Variants in NMT2 observed in about 807,000 individuals in gnomAD.
NMT2 encodes glycylpeptide N-tetradecanoyltransferase 2.
NMT2 carries 35 observed loss-of-function variants against 65.4 expected under a neutral mutation model. The ratio of observed to expected loss-of-function variants is 0.54; its 90% CI spans 0.41 to 0.71. NMT2 has a LOEUF of 0.71. Among genes scored for constraint, NMT2 ranks in the 30% least tolerant of loss-of-function variants. The pLI, the probability that NMT2 is intolerant of heterozygous loss-of-function variation, is 0.00. For synonymous variants in NMT2, 226 were observed against 231.8 expected, an observed-to-expected ratio of 0.98 and a Z score of 0.23; for missense variants, 489 against 611.3, an observed-to-expected ratio of 0.80 and a Z score of 2.11.
rs192889108 is a variant in NMT2 at position 15,146,026 on chromosome 10, C to A, written c.111-4469G>T. On this transcript the variant is annotated intron_variant, in intron 1 of 11. Transcript: ENST00000378165. ...GACTCCCAGTACTCAAGGCTGATTACCAAGTCATGGAAATTCAGCCCTGCA... is the reference window on the plus strand; with the variant it reads ...GACTCCCAGTACTCAAGGCTGATTAACAAGTCATGGAAATTCAGCCCTGCA... Among the ~76,000 whole-genome samples the A allele has an allele frequency of 4.0e-3, 609 of 152,296 alleles. 5 individuals are homozygous for A. The highest frequency in any genetic ancestry group is 7.4e-3 in the Non-Finnish European group (500 of 68,022).
rs188307155 is a variant in NMT2 at position 15,164,678 on chromosome 10, A to G, written c.110+3825T>C. Among the ~76,000 whole-genome samples the G allele has an allele frequency of 2.0e-5, 3 of 152,290 alleles. No homozygotes were observed. The East Asian group carries it at 5.8e-4, about 29-fold the overall frequency. The stretch of plus-strand genomic sequence containing the variant: ...TAACAGAAGGCAAAAACACAGCAAA[A>G]TGAGGGAAGTATTAAAGATCCTTGA... On this transcript the variant is annotated intron_variant, in intron 1 of 11. Transcript: ENST00000378165.
At chr10:15,151,835 G>A (rs892331253) in intron 1 of NMT2, among the ~76,000 whole-genome samples, 1 of 151,810 alleles carries the variant, frequency 6.6e-6, no homozygotes, top group Non-Finnish European at 1.5e-5. Flanking sequence ...GACCAGCCTG[G>A]CCAACATGGT....
At chr10:15,116,687 CAAAG>C (rs1564561291) in intron 9 of NMT2, among the ~76,000 whole-genome samples, 3 of 151,932 alleles carry the variant, frequency 2.0e-5, no homozygotes, top group Admixed American at 6.6e-5. Flanking sequence ...TGGACAAAAA[CAAAG>C]AAAGAGAAGA....
intron 1 of NMT2, chr10:15,154,864 G>T (rs150584952): frequency 1.8e-5 from 14 of 791,514 alleles, no homozygotes; most frequent in Non-Finnish European, 2.9e-5. Context: ...GACCCATAGC[G>T]CTTCATGGCC....
intron 1 of NMT2, among the ~76,000 whole-genome samples, chr10:15,143,329 C>G (rs1431596138): frequency 6.6e-6 from 1 of 152,204 alleles, no homozygotes; most frequent in Non-Finnish European, 1.5e-5. Flanking sequence ...GGGATTATCC[C>G]TCTCCCACTT....
chr10:15,140,856 C>T (rs958078675), intron 2 of NMT2: 6 of 817,062 alleles, frequency 7.3e-6, no homozygotes, highest in African/African-American at 1.7e-5. Context: ...TCTGCCAACA[C>T]GGGGCCCAGC....
chr10:15,134,275 TC>T (rs1846392413), intron 3 of NMT2, among the ~76,000 whole-genome samples: 1 of 152,024 alleles, frequency 6.6e-6, no homozygotes, highest in Non-Finnish European at 1.5e-5. Flanking sequence ...CCCAGGCTCT[TC>T]CCCATGGCTG....
At chr10:15,115,811 T>C (rs1845724214) in intron 9 of NMT2, among the ~76,000 whole-genome samples, 1 of 152,288 alleles carries the variant, frequency 6.6e-6, no homozygotes, top group South Asian at 2.1e-4. Context: ...TAAAGTATAC[T>C]CCAGAGCAAG....
At chr10:15,147,095 C>CAAAAAAAAAAAAAAAAAA (rs34668178) in intron 1 of NMT2, among the ~76,000 whole-genome samples, 8 of 44,516 alleles carry the variant, frequency 1.8e-4, no homozygotes, top group Admixed American at 4.5e-4. Context: ...CTCTCGCTCT[C>CAAAAAAAAAAAAAAAAAA]AAAAAAAAAA....
chr10:15,130,313 C>T lies in NMT2; in HGVS notation c.720-1G>A, dbSNP rs780265781. The T allele has an allele frequency of 7.7e-6, 12 of 1,566,120 alleles. No individual in the cohort carries two copies. The highest frequency in any genetic ancestry group is 1.0e-5 in the Non-Finnish European group (12 of 1,154,866). ...GTTGATTTCTACCATCTTCTTCACA[C>T]TAAGAAATAAAGATGGTGAAGATTA... On this transcript the variant is annotated splice_acceptor_variant, in intron 6 of 11. Coordinates refer to ENST00000378165, the MANE Select transcript of NMT2 (RefSeq NM_004808.3). LOFTEE classifies it high-confidence loss of function.
In NMT2 at chr10:15,107,393, A is replaced by C; in HGVS notation, c.*1802T>G. 2 of 985,466 alleles carry C rather than the reference A, an allele frequency of 2.0e-6. No homozygotes were observed. The highest frequency in any genetic ancestry group is 2.4e-6 in the Non-Finnish European group (2 of 829,934). 61.0% of individuals were successfully genotyped at this position (985,466 alleles called of 1,614,324 possible). On this transcript the variant is annotated 3_prime_UTR_variant, in exon 12 of 12. Transcript: ENST00000378165. ...ACTTGAAGGAAATGCCATCATGTCTAAAACAATTAACTTCTGCACTGAACT... is the reference window on the plus strand; with the variant it reads ...ACTTGAAGGAAATGCCATCATGTCTCAAACAATTAACTTCTGCACTGAACT...
chr10:15,113,463 CAAAAAAAA>C (rs1169255963), intron 9 of NMT2, among the ~76,000 whole-genome samples: 5,860 of 36,834 alleles, frequency 0.16, 111 homozygotes, highest in East Asian at 0.27. Context: ...GGATGAGACT[CAAAAAAAA>C]AAAAAAAAAA....
rs147114750 is a variant in NMT2 at position 15,166,637 on chromosome 10, T to C, written c.110+1866A>G. Among the ~76,000 whole-genome samples the C allele has an allele frequency of 2.5e-3, 375 of 152,346 alleles. 1 individual carries two copies. The highest frequency in any genetic ancestry group is 8.5e-3 in the African/African-American group (355 of 41,578). ...TACAATACATCCATTATGTTAATCTTTTCCCACTAGAAGCTATTAACATGG... is the reference window on the plus strand; with the variant it reads ...TACAATACATCCATTATGTTAATCTCTTCCCACTAGAAGCTATTAACATGG... On this transcript the variant is annotated intron_variant, in intron 1 of 11. Coordinates refer to ENST00000378165, the MANE Select transcript of NMT2 (RefSeq NM_004808.3).
chr10:15,160,365 G>A (rs961826294), intron 1 of NMT2, among the ~76,000 whole-genome samples: 10 of 152,264 alleles, frequency 6.6e-5, no homozygotes, highest in Admixed American at 1.3e-4. Flanking sequence ...CAGGCACAAG[G>A]AGCCCGGTGA....
At chr10:15,127,999 AC>A (rs1846155779) in intron 8 of NMT2, among the ~76,000 whole-genome samples, 2 of 152,186 alleles carry the variant, frequency 1.3e-5, no homozygotes, top group Admixed American at 1.3e-4. Context: ...TCTCTCCTCT[AC>A]ACTTGATTCC....
rs1437735970 is a variant in NMT2 at position 15,135,365 on chromosome 10, C to A, written c.300G>T (p.Leu100=). 3 of 1,614,046 alleles carry A rather than the reference C, an allele frequency of 1.9e-6. No homozygotes were observed. Among genetic ancestry groups the A allele is most frequent in the Non-Finnish European group, 2.5e-6 (3 of 1,180,010 alleles). ...KLQDIQRAME[L]LSACQGPARN... is the part of the protein sequence containing the mutation. ...TGGCTGGGCCCTGGCATGCGGATAG[C>A]AGCTCCATTGCTCTCTGGATATCCT... The change falls in exon 3 of 12, where the codon CTG becomes CTT. Residue 100 remains leucine, a synonymous_variant. Coordinates refer to ENST00000378165, the MANE Select transcript of NMT2 (RefSeq NM_004808.3).
chr10:15,141,126 C>A, intron 2 of NMT2: 1 of 1,155,966 alleles, frequency 8.7e-7, no homozygotes, highest in South Asian at 1.4e-5. Context: ...TCAAAAAAAC[C>A]TAACAAGCTC....
chr10:15,133,784 C>T (rs1171863979), intron 3 of NMT2, among the ~76,000 whole-genome samples: 1 of 152,072 alleles, frequency 6.6e-6, no homozygotes, highest in Non-Finnish European at 1.5e-5. Context: ...GACGGAGTCT[C>T]ATTATGTTGC....
chr10:15,147,744 C>T (rs1157320261), intron 1 of NMT2, among the ~76,000 whole-genome samples: 1 of 151,998 alleles, frequency 6.6e-6, no homozygotes, highest in Admixed American at 6.6e-5. Flanking sequence ...GTGCCTAGAA[C>T]AGTGTCTGGC....
Sources: allele counts gnomAD v4.1 joint callset (sites outside exome capture counted in the v4.1 genomes callset), GRCh38; gene constraint gnomAD v4.1.1; transcripts MANE v1.5; gene names NCBI Gene and HGNC (gene_info 2026-07-23, HGNC 2026-07-21).